ZPBP: variants seen among roughly 807,000 people sequenced by gnomAD.
ZPBP encodes zona pellucida-binding protein 1.
A neutral mutation model predicts 44.8 loss-of-function variants in ZPBP; 26 were observed. That is an observed-to-expected ratio of 0.58 (90% CI 0.43 to 0.81). ZPBP has a LOEUF of 0.81. Ranked by LOEUF, ZPBP falls within the 30% of genes least tolerant of loss-of-function variation. The pLI, the probability that ZPBP is intolerant of heterozygous loss-of-function variation, is 0.00. For missense variants in ZPBP, 409 were observed against 434.0 expected (o/e 0.94, Z 0.51); for synonymous variants, 174 against 153.2 (o/e 1.14, Z -1.00).
At chr7:49,969,963 G>C (rs1796231647) in intron 7 of ZPBP, among the ~76,000 whole-genome samples, 1 of 152,028 alleles carries the variant, frequency 6.6e-6, no homozygotes. Context: ...GGGTTCAAGT[G>C]ATTCTCATGT....
In ZPBP at chr7:49,986,471, G is replaced by A. The variant is rs140266651; in HGVS notation, c.784-2952C>T. ...CAGGCTGGCCAGCATTCCCTGCCAC[G>A]TGTGTATCCACAGTGTCTTCCCCTC... On this transcript the variant is annotated intron_variant, in intron 6 of 7. Transcript: ENST00000046087. 4.7e-3 allele frequency among the ~76,000 whole-genome samples: 712 copies of A among 152,268 alleles called. 4 individuals carry two copies. The highest frequency in any genetic ancestry group is 0.016 in the African/African-American group (665 of 41,558).
At chr7:50,031,056 C>T (rs544800724) in intron 5 of ZPBP, 36 bp downstream of exon 5, 1 of 1,578,494 alleles carries the variant, frequency 6.3e-7, no homozygotes, top group South Asian at 1.1e-5. Flanking sequence ...GTTATGTGTT[C>T]TCCATTTGCT....
chr7:50,005,497 C>T (rs1407056321), intron 6 of ZPBP, among the ~76,000 whole-genome samples: 1 of 151,876 alleles, frequency 6.6e-6, no homozygotes, highest in Admixed American at 6.6e-5. Flanking sequence ...TGGGAAGGTG[C>T]AGAGCTATAA....
chr7:49,984,104 T>A (rs546193495), intron 6 of ZPBP, among the ~76,000 whole-genome samples: 7 of 152,290 alleles, frequency 4.6e-5, no homozygotes, highest in Admixed American at 2.0e-4. Context: ...TGCATTCAAG[T>A]ATGAGGTACG....
At chr7:50,015,857 A>C (rs934025493) in intron 6 of ZPBP, among the ~76,000 whole-genome samples, 2 of 152,176 alleles carry the variant, frequency 1.3e-5, no homozygotes, top group African/African-American at 2.4e-5. Context: ...CAAAACCGCA[A>C]TGAGATAGCA....
At chr7:49,960,403 G>A (rs1021825037) in intron 7 of ZPBP, among the ~76,000 whole-genome samples, 3 of 151,738 alleles carry the variant, frequency 2.0e-5, no homozygotes, top group African/African-American at 4.8e-5. Context: ...GCAGCAGAGC[G>A]AGACTCTGTC....
At chr7:49,983,937 C>CA (rs148940049) in intron 6 of ZPBP, among the ~76,000 whole-genome samples, 4,865 of 149,178 alleles carry the variant, frequency 0.033, 230 homozygotes, top group African/African-American at 0.11. Context: ...AATTTAAAAA[C>CA]AAAAAAATAT....
At chr7:49,924,305 A>C (rs1469854920) in intron 1 of ZPBP, among the ~76,000 whole-genome samples, 1 of 152,128 alleles carries the variant, frequency 6.6e-6, no homozygotes, top group Non-Finnish European at 1.5e-5. Flanking sequence ...ATACCTGAAC[A>C]ACAGAATTAA....
chr7:49,979,824 CATATATAT>C (rs56222305), intron 7 of ZPBP, among the ~76,000 whole-genome samples: 1 of 112,410 alleles, frequency 8.9e-6, no homozygotes, highest in African/African-American at 3.4e-5. Flanking sequence ...TGGAGTTATA[CATATATAT>C]ATATATATAT....
chr7:50,067,191 T>G (rs1562602888), intron 3 of ZPBP, among the ~76,000 whole-genome samples: 1 of 152,166 alleles, frequency 6.6e-6, no homozygotes, highest in Non-Finnish European at 1.5e-5. Flanking sequence ...TGCCTTTACG[T>G]TTGCCTTTCC....
At chr7:50,011,460 A>G (rs776058547) in intron 6 of ZPBP, among the ~76,000 whole-genome samples, 1 of 152,214 alleles carries the variant, frequency 6.6e-6, no homozygotes, top group African/African-American at 2.4e-5. Flanking sequence ...AATATTTACT[A>G]TGTGGTCCTT....
intron 2 of ZPBP, among the ~76,000 whole-genome samples, chr7:49,866,144 C>T (rs1790881655): frequency 6.6e-6 from 1 of 152,216 alleles, no homozygotes; most frequent in African/African-American, 2.4e-5. Flanking sequence ...AATTCTGCTT[C>T]TAAGCCAAAC....
At chr7:50,066,175 T>C (rs1911749) in intron 3 of ZPBP, among the ~76,000 whole-genome samples, 123,351 of 150,358 alleles carry the variant, frequency 0.82, 51,562 homozygotes, top group East Asian at 0.88. Context: ...TATGAACATA[T>C]GCAGCATGGC....
Position 49,980,046 on chromosome 7 carries a change from A to G in ZPBP, c.961+3296T>C, listed in dbSNP as rs1485130358. 4.4e-5 allele frequency among the ~76,000 whole-genome samples: 4 copies of G among 91,042 alleles called. 1 individual carries two copies. In the South Asian group the frequency reaches 1.3e-3, roughly 29 times the overall value. 59.7% of individuals were successfully genotyped at this position (91,042 alleles called of 152,430 possible). A position where few individuals can be genotyped will look rare whatever the true frequency, so the allele number is the denominator to read the frequency against. The stretch of plus-strand genomic sequence containing the variant: ...AATTTTATATTATATTATAATATAT[A>G]TAATATAATTTTATATTATATTATA... On this transcript the variant is annotated intron_variant, in intron 7 of 7. Coordinates refer to ENST00000046087, the MANE Select transcript of ZPBP (RefSeq NM_007009.3).
chr7:50,017,293 A>G (rs566421127), intron 6 of ZPBP, among the ~76,000 whole-genome samples: 1 of 152,244 alleles, frequency 6.6e-6, no homozygotes, highest in South Asian at 2.1e-4. Flanking sequence ...ACAGTTCACA[A>G]TAGCATTTGC....
rs1236697159 is a variant in ZPBP at position 49,859,668 on chromosome 7, A to G, written n.510-9154T>C. Among the ~76,000 whole-genome samples, 4 of 152,246 alleles carry G rather than the reference A, an allele frequency of 2.6e-5. No individual in the cohort carries two copies. In the East Asian group the frequency reaches 7.7e-4, roughly 29 times the overall value. On this transcript the variant is annotated intron_variant and non_coding_transcript_variant, in intron 2 of 2. Coordinates refer to the ZPBP transcript ENST00000465922. Reference sequence around the variant, plus strand: ...AATACTGTGCTCTCTAAAGTGCTATAGATTTATACTATGTGTTGCCAATCG... The same window carrying G: ...AATACTGTGCTCTCTAAAGTGCTATGGATTTATACTATGTGTTGCCAATCG...
At chr7:50,086,944 G>C (rs1376792707) in intron 2 of ZPBP, among the ~76,000 whole-genome samples, 2 of 152,022 alleles carry the variant, frequency 1.3e-5, no homozygotes, top group South Asian at 2.1e-4. Context: ...AGTAGCAAGA[G>C]AGAAGCAACT....
chr7:49,996,844 T>C (rs1404343427), intron 6 of ZPBP, among the ~76,000 whole-genome samples: 1 of 152,230 alleles, frequency 6.6e-6, no homozygotes, highest in Non-Finnish European at 1.5e-5. Flanking sequence ...CAGACTATGC[T>C]GATGGCTGCC....
chr7:49,931,048 C>T (rs1198860176), intron 1 of ZPBP, among the ~76,000 whole-genome samples: 2 of 152,232 alleles, frequency 1.3e-5, no homozygotes, highest in Admixed American at 1.3e-4. Flanking sequence ...TGCGCATGCT[C>T]TCTTGCCTGC....
Sources: allele counts gnomAD v4.1 joint callset (sites outside exome capture counted in the v4.1 genomes callset), GRCh38; gene constraint gnomAD v4.1.1; transcripts MANE v1.5; gene names NCBI Gene and HGNC (gene_info 2026-07-23, HGNC 2026-07-21).